ITGA1: variants seen among roughly 807,000 people sequenced by gnomAD.
The protein encoded by ITGA1 is integrin alpha-1.
In ITGA1, 85 loss-of-function variants were observed where a neutral mutation model predicts 145.9. That is an observed-to-expected ratio of 0.58 (90% CI 0.49 to 0.70). The LOEUF (loss-of-function observed/expected upper bound fraction) is 0.70. ITGA1 is among the 30% of genes least tolerant of loss of function. The pLI is 0.00. For synonymous variants in ITGA1, 520 were observed against 495.3 expected (o/e 1.05, Z -0.66); for missense variants, 1,351 against 1,418.7 (o/e 0.95, Z 0.77).
In ITGA1 at chr5:52,910,106, T is replaced by A. The variant is rs1750479498; in HGVS notation, c.1600-56T>A. ...CTGATTTAGTATACTTTAAAAATTCTACTCTGCTGTAGTAATGATGGAAAT... is the reference window on the plus strand; with the variant it reads ...CTGATTTAGTATACTTTAAAAATTCAACTCTGCTGTAGTAATGATGGAAAT... On this transcript the variant is annotated intron_variant, in intron 13 of 28. Coordinates refer to ENST00000282588, the MANE Select transcript of ITGA1 (RefSeq NM_181501.2). 5.3e-6 allele frequency: 8 copies of A among 1,503,418 alleles called. No homozygotes were observed. The South Asian group carries it at 8.7e-5, about 16-fold the overall frequency. 93.1% of individuals were successfully genotyped at this position (1,503,418 alleles called of 1,614,324 possible). A position where few individuals can be genotyped will look rare whatever the true frequency, so the allele number is the denominator to read the frequency against.
intron 3 of ITGA1, among the ~76,000 whole-genome samples, chr5:52,864,256 A>G (rs888775915): frequency 1.3e-5 from 2 of 152,164 alleles, no homozygotes; most frequent in African/African-American, 4.8e-5. Context: ...CTTTCTGGAC[A>G]CTGCTCTAAT....
intron 21 of ITGA1, among the ~76,000 whole-genome samples, chr5:52,930,119 G>C (rs1430164103): frequency 3.3e-5 from 5 of 152,240 alleles, no homozygotes; most frequent in African/African-American, 9.6e-5. Context: ...ATTCAAATCA[G>C]TCAGTACTTC....
At chr5:52,890,079 T>C (rs1750120122) in intron 8 of ITGA1, 1 of 152,162 alleles carries the variant, frequency 6.6e-6, no homozygotes, top group Non-Finnish European at 1.5e-5. Flanking sequence ...ATTTTAATAA[T>C]ATTATAAGCA....
At chr5:52,801,333 G>A in intron 1 of ITGA1, 1 of 1,321,042 alleles carries the variant, frequency 7.6e-7, no homozygotes, top group East Asian at 2.3e-5. Context: ...AGCGCTTTTG[G>A]CTTTAAGCCT....
rs1749395280 is a variant in ITGA1, at chr5:52,849,503, G to T, written c.182+18G>T. On this transcript the variant is annotated intron_variant, in intron 2 of 28. Coordinates refer to ENST00000282588, the MANE Select transcript of ITGA1 (RefSeq NM_181501.2). ...GGAAAATGGTAAGCCAGTGGGTTTT[G>T]TTGTTGTTATTTACTTATTTCACAA... The T allele has an allele frequency of 6.3e-7, 1 of 1,574,930 alleles. No homozygotes were observed. Among genetic ancestry groups the T allele is most frequent in the South Asian group, 1.1e-5 (1 of 87,288 alleles).
chr5:52,859,735 C>A (rs1376350080), intron 2 of ITGA1, among the ~76,000 whole-genome samples: 1 of 152,202 alleles, frequency 6.6e-6, no homozygotes, highest in Non-Finnish European at 1.5e-5. Context: ...ACTTTCCCAG[C>A]ATCTTTTGTC....
rs1749677213 is a variant in ITGA1 at position 52,865,700 on chromosome 5, T to G, written c.507T>G (p.Thr169=). The change falls in exon 6 of 29, where the codon ACT becomes ACG. Residue 169 remains threonine (T), a synonymous_variant. Transcript: ENST00000282588. ...NSIAPVQECS[T]QLDIVIVLDG... is the part of the protein sequence containing the mutation. ...CTCCTTTTATTGCAGAATGCAGCAC[T>G]CAACTGGACATAGTCATAGTGCTGG... 6.4e-7 allele frequency: 1 copy of G among 1,551,402 alleles called. No homozygotes were observed. Among genetic ancestry groups the G allele is most frequent in the Non-Finnish European group, 8.6e-7 (1 of 1,157,106 alleles).
chr5:52,849,225 C>T (rs952666340), intron 1 of ITGA1, 140 bp from the exon 2 acceptor site: 1 of 639,344 alleles, frequency 1.6e-6, no homozygotes, highest in Non-Finnish European at 2.5e-6. Context: ...GGAGACCTTC[C>T]TTGAGTTTTC....
Position 52,910,239 on chromosome 5 carries a change from A to G in ITGA1, c.1677A>G (p.Thr559=). Residue 559 remains threonine (T), a synonymous_variant, in exon 14 of 29, where the codon ACA becomes ACG. Coordinates refer to ENST00000282588, the MANE Select transcript of ITGA1 (RefSeq NM_181501.2). ...CATCTCGGCAGCACAATTCATGCACAACAGAAAACAAAAATGAGCCATGCG... is the reference window on the plus strand; with the variant it reads ...CATCTCGGCAGCACAATTCATGCACGACAGAAAACAAAAATGAGCCATGCG... ...CCSSRQHNSC[T]TENKNEPCGA... The G allele has an allele frequency of 1.2e-6, 2 of 1,614,050 alleles. No homozygotes were observed. Among genetic ancestry groups the G allele is most frequent in the Non-Finnish European group, 1.7e-6 (2 of 1,179,944 alleles).
At chr5:52,792,473 A>G (rs970247667) in intron 1 of ITGA1, among the ~76,000 whole-genome samples, 1 of 152,176 alleles carries the variant, frequency 6.6e-6, no homozygotes, top group Admixed American at 6.5e-5. Flanking sequence ...TATATATGCT[A>G]TACTAGTTTA....
rs1447886075 is a variant in ITGA1 at position 52,838,416 on chromosome 5, T to TGA, written c.62-10948_62-10947insAG. Among the ~76,000 whole-genome samples, 72 of 152,322 alleles carry TGA rather than the reference T, an allele frequency of 4.7e-4. 1 individual carries two copies. The highest frequency in any genetic ancestry group is 1.6e-3 in the African/African-American group (65 of 41,576). On this transcript the variant is annotated intron_variant, in intron 1 of 28. Transcript: ENST00000282588. ...GTTTTTGGTTTTGGTTGAGGTACAC[T>TGA]GTCAGAGTGTGCACAGTATTTCATT... is the stretch of plus-strand genomic sequence containing the variant.
Position 52,952,455 on chromosome 5 carries a change from A to G in ITGA1, c.*4A>G. On this transcript the variant is annotated 3_prime_UTR_variant, in exon 29 of 29. Coordinates refer to ENST00000282588, the MANE Select transcript of ITGA1 (RefSeq NM_181501.2). Reference sequence around the variant, plus strand: ...GAAAAAGAAAATGGAGAAATGAAATATTTTATGAAAGAAAATAATAACAAT... The same window carrying G: ...GAAAAAGAAAATGGAGAAATGAAATGTTTTATGAAAGAAAATAATAACAAT... 1.5e-6 allele frequency: 2 copies of G among 1,325,888 alleles called. No homozygotes were observed. The highest frequency in any genetic ancestry group is 2.1e-6 in the Non-Finnish European group (2 of 954,242). 82.1% of individuals were successfully genotyped at this position (1,325,888 alleles called of 1,614,324 possible).
chr5:52,828,738 T>G (rs1749008829), intron 1 of ITGA1, among the ~76,000 whole-genome samples: 1 of 152,166 alleles, frequency 6.6e-6, no homozygotes, highest in Non-Finnish European at 1.5e-5. Flanking sequence ...CTTAAAACAA[T>G]ATATTGTCTC....
chr5:52,897,028 A>AT (rs1353576491), intron 9 of ITGA1, among the ~76,000 whole-genome samples: 1 of 151,982 alleles, frequency 6.6e-6, no homozygotes, highest in African/African-American at 2.4e-5. Context: ...TGTGAATGAA[A>AT]TTTTTTTCAG....
At chr5:52,901,859 T>G (rs1367906817) in intron 11 of ITGA1, 1 of 152,226 alleles carries the variant, frequency 6.6e-6, no homozygotes, top group East Asian at 1.9e-4. Flanking sequence ...GAGATTTTCT[T>G]TTCTGTTTCA....
At chr5:52,844,250 T>G (rs184875201) in intron 1 of ITGA1, among the ~76,000 whole-genome samples, 1 of 152,318 alleles carries the variant, frequency 6.6e-6, no homozygotes, top group Admixed American at 6.5e-5. Context: ...TCTGGAGCTC[T>G]GTGGCCAGGA....
chr5:52,838,138 G>A (rs1308751522), intron 1 of ITGA1, among the ~76,000 whole-genome samples: 3 of 152,194 alleles, frequency 2.0e-5, no homozygotes, highest in Non-Finnish European at 4.4e-5. Context: ...ACTTCTGAAT[G>A]AAGGAAATAT....
chr5:52,908,937 A>G lies in ITGA1; in HGVS notation c.1495A>G (p.Ile499Val), dbSNP rs748541982. ...TGGCAGTATTTTAACAACAACTGAC[A>G]TTGACAAGGATTCTAATACTGACAT... ...YFGSILTTTD[I>V]DKDSNTDILL... Residue 499 changes from isoleucine (I) to valine (V), a missense_variant, in exon 13 of 29, where the codon ATT (isoleucine) becomes GTT (valine). By Grantham distance (29) the Ile-to-Val change is conservative. Coordinates refer to ENST00000282588, the MANE Select transcript of ITGA1 (RefSeq NM_181501.2). The G allele has an allele frequency of 2.5e-6, 4 of 1,613,930 alleles. No individual in the cohort carries two copies. In the South Asian group the frequency reaches 4.4e-5, roughly 18 times the overall value.
At chr5:52,904,496 T>C (rs1163003333) in intron 11 of ITGA1, 1 of 151,520 alleles carries the variant, frequency 6.6e-6, no homozygotes, top group African/African-American at 2.4e-5. Context: ...ATAAAATATA[T>C]GCAAATAAAA....
Sources: gnomAD v4.1 joint callset for allele counts (sites outside exome capture counted in the v4.1 genomes callset) on GRCh38, gnomAD v4.1.1 for gene constraint, MANE v1.5 for transcripts, NCBI Gene and HGNC (gene_info 2026-07-23, HGNC 2026-07-21) for gene names.